The following NPSR1 variants were observed in gnomAD, a reference collection of about 807,000 sequenced individuals.
NPSR1 encodes the protein neuropeptide S receptor.
In NPSR1, 48 loss-of-function variants were observed where a neutral mutation model predicts 46.9. The observed-to-expected ratio is 1.02, with a 90% CI of 0.81 to 1.30. The LOEUF is 1.30. Ranked by LOEUF, NPSR1 falls within the 50% of genes most tolerant of loss-of-function variation. NPSR1 has a pLI of 0.00. For synonymous variants in NPSR1, 176 were observed against 168.1 expected (o/e 1.05, Z -0.36); for missense variants, 450 against 449.5 (o/e 1.00, Z -0.01).
intron 3 of NPSR1, among the ~76,000 whole-genome samples, chr7:34,804,551 A>T (rs1788592503): frequency 6.6e-6 from 1 of 152,084 alleles, no homozygotes; most frequent in African/African-American, 2.4e-5. Flanking sequence ...ATCTAAAAAA[A>T]CCATACAGTT....
At chr7:34,855,414 T>C (rs1448066510) in intron 8 of NPSR1, among the ~76,000 whole-genome samples, 2 of 152,010 alleles carry the variant, frequency 1.3e-5, no homozygotes, top group African/African-American at 4.8e-5. Context: ...TTAAATGATA[T>C]CACTATAGAT....
At chr7:34,703,411 T>C (rs1583842892) in intron 2 of NPSR1, among the ~76,000 whole-genome samples, 3 of 58,250 alleles carry the variant, frequency 5.2e-5, no homozygotes, top group African/African-American at 2.9e-4. Context: ...AATAAAGCAT[T>C]TTTTTTTTCA....
intron 1 of NPSR1, among the ~76,000 whole-genome samples, chr7:34,666,597 A>G (rs980392833): frequency 2.0e-5 from 3 of 152,200 alleles, no homozygotes; most frequent in African/African-American, 7.2e-5. Context: ...CAGCAGCAAC[A>G]TATCTTCAGA....
chr7:34,850,063 C>T (rs9655359), downstream of NPSR1: 296,394 of 874,960 alleles, frequency 0.34, 51,631 homozygotes, highest in African/African-American at 0.39. Flanking sequence ...TAATTAAGCC[C>T]ATATTTTTCC....
At chr7:34,686,358 C>T (rs1792928488) in intron 2 of NPSR1, among the ~76,000 whole-genome samples, 1 of 152,138 alleles carries the variant, frequency 6.6e-6, no homozygotes, top group African/African-American at 2.4e-5. Flanking sequence ...GACTGAAGCT[C>T]AATGGTCTGA....
intron 3 of NPSR1, among the ~76,000 whole-genome samples, chr7:34,785,541 AAG>A (rs1370005188): frequency 6.6e-6 from 1 of 152,138 alleles, no homozygotes; most frequent in East Asian, 1.9e-4. Flanking sequence ...TAAAAAAAGA[AAG>A]AAAATATATA....
At chr7:34,817,929 G>A (rs754227046) in intron 4 of NPSR1, among the ~76,000 whole-genome samples, 5 of 152,080 alleles carry the variant, frequency 3.3e-5, no homozygotes, top group Admixed American at 6.5e-5. Context: ...AAAATAATAA[G>A]AGCTATTTAT....
chr7:34,853,073 A>G (rs1790971669), downstream of NPSR1, among the ~76,000 whole-genome samples: 2 of 152,176 alleles, frequency 1.3e-5, no homozygotes, highest in Non-Finnish European at 2.9e-5. Flanking sequence ...ATTTGTGGAT[A>G]ATCATGAGAA....
chr7:34,666,585 T>G (rs1021353994), intron 1 of NPSR1, among the ~76,000 whole-genome samples: 1 of 152,176 alleles, frequency 6.6e-6, no homozygotes, highest in African/African-American at 2.4e-5. Flanking sequence ...GCAAATTGAG[T>G]TCAGCAGCAA....
intron 2 of NPSR1, among the ~76,000 whole-genome samples, chr7:34,775,543 C>T (rs1400813512): frequency 6.6e-6 from 1 of 152,058 alleles, no homozygotes; most frequent in East Asian, 1.9e-4. Context: ...AATCTTGGTA[C>T]ATTGTATGCA....
chr7:34,672,203 T>C (rs1044421762), intron 1 of NPSR1, among the ~76,000 whole-genome samples: 1 of 152,238 alleles, frequency 6.6e-6, no homozygotes, highest in African/African-American at 2.4e-5. Flanking sequence ...AATTACTACA[T>C]AGACTTGAAG....
chr7:34,798,460 G>A lies in NPSR1; in HGVS notation c.385-13310G>A, dbSNP rs34443248. The stretch of plus-strand genomic sequence containing the variant: ...TGAAGCAGGAGAATCTCTTGAACCC[G>A]GAAGGCGAAGGTTGCAGTGATCCAA... On this transcript the variant is annotated intron_variant, in intron 3 of 8. Transcript: ENST00000360581. Among the ~76,000 whole-genome samples the A allele has an allele frequency of 2.7e-3, 411 of 152,194 alleles. 2 individuals are homozygous for A. Among genetic ancestry groups the A allele is most frequent in the African/African-American group, 9.3e-3 (386 of 41,530 alleles).
At chr7:34,830,025 C>G (rs1215467097) in intron 5 of NPSR1, among the ~76,000 whole-genome samples, 2 of 152,222 alleles carry the variant, frequency 1.3e-5, no homozygotes, top group Non-Finnish European at 2.9e-5. Flanking sequence ...AACAACTTCT[C>G]TCTTGGGGAC....
chr7:34,693,078 G>T (rs1793347198), intron 2 of NPSR1, among the ~76,000 whole-genome samples: 1 of 151,820 alleles, frequency 6.6e-6, no homozygotes, highest in Admixed American at 6.6e-5. Context: ...GCACCCCCCT[G>T]CTCTCTCTCT....
chr7:34,705,934 A>AC (rs1562665925), intron 2 of NPSR1, among the ~76,000 whole-genome samples: 1 of 148,252 alleles, frequency 6.7e-6, no homozygotes, highest in African/African-American at 2.5e-5. Flanking sequence ...TTTGGGTAGT[A>AC]TTTTTTTTTT....
chr7:34,714,552 TA>T (rs925998399), intron 2 of NPSR1, among the ~76,000 whole-genome samples: 3 of 152,210 alleles, frequency 2.0e-5, no homozygotes, highest in African/African-American at 7.2e-5. Context: ...TTTCACATAT[TA>T]GAGCATCTAC....
chr7:34,748,504 G>T (rs1310328677), intron 2 of NPSR1, among the ~76,000 whole-genome samples: 4 of 152,118 alleles, frequency 2.6e-5, no homozygotes, highest in Non-Finnish European at 4.4e-5. Context: ...TTTACTCTGG[G>T]CTGTGTGACC....
chr7:34,707,205 C>T (rs1310860751), intron 2 of NPSR1, among the ~76,000 whole-genome samples: 1 of 152,172 alleles, frequency 6.6e-6, no homozygotes, highest in African/African-American at 2.4e-5. Flanking sequence ...AGGGTTATCT[C>T]CATGATCTTT....
chr7:34,740,656 T>C (rs1784897109), intron 2 of NPSR1, among the ~76,000 whole-genome samples: 1 of 152,192 alleles, frequency 6.6e-6, no homozygotes, highest in Non-Finnish European at 1.5e-5. Flanking sequence ...TATTCTCCTG[T>C]CATCTAGACC....
Sources: allele counts gnomAD v4.1 joint callset (sites outside exome capture counted in the v4.1 genomes callset), GRCh38; gene constraint gnomAD v4.1.1; transcripts MANE v1.5; gene names NCBI Gene and HGNC (gene_info 2026-07-23, HGNC 2026-07-21).